TAFA4: variants seen among roughly 807,000 people sequenced by gnomAD.
TAFA4 encodes the protein chemokine-like protein TAFA-4.
A neutral mutation model predicts 21.1 loss-of-function variants in TAFA4; 20 were observed. The ratio of observed to expected loss-of-function variants is 0.95; its 90% CI spans 0.67 to 1.38. The LOEUF (loss-of-function observed/expected upper bound fraction) is 1.38. TAFA4 is among the 40% of genes most tolerant of loss of function. The pLI, the probability that TAFA4 is intolerant of heterozygous loss-of-function variation, is 0.00. For missense variants in TAFA4, 211 were observed against 180.9 expected, an observed-to-expected ratio of 1.17 and a Z score of -0.95; for synonymous variants, 71 against 67.4, an observed-to-expected ratio of 1.05 and a Z score of -0.26.
intron 3 of TAFA4, among the ~76,000 whole-genome samples, chr3:68,810,610 C>T (rs1285643779): frequency 2.6e-5 from 4 of 152,158 alleles, no homozygotes; most frequent in African/African-American, 9.7e-5. Context: ...TGCAAGGTGG[C>T]AGTGAGGCTG....
At chr3:68,860,430 G>A (rs1448271202) in intron 3 of TAFA4, among the ~76,000 whole-genome samples, 1 of 152,094 alleles carries the variant, frequency 6.6e-6, no homozygotes, top group African/African-American at 2.4e-5. Flanking sequence ...CACCCACCAA[G>A]CTACTGGGTA....
intron 3 of TAFA4, among the ~76,000 whole-genome samples, chr3:68,819,685 C>T (rs1559532206): frequency 6.6e-6 from 1 of 152,162 alleles, no homozygotes; most frequent in Non-Finnish European, 1.5e-5. Context: ...GCTGACAAGT[C>T]ATTCTCACCA....
chr3:68,748,419 A>G (rs1702499519), intron 4 of TAFA4, among the ~76,000 whole-genome samples: 1 of 152,104 alleles, frequency 6.6e-6, no homozygotes, highest in Admixed American at 6.6e-5. Context: ...CCACACAGTA[A>G]CTCTCCTTCT....
At chr3:68,901,783 A>G (rs1458753832) in intron 1 of TAFA4, among the ~76,000 whole-genome samples, 3 of 152,154 alleles carry the variant, frequency 2.0e-5, no homozygotes, top group African/African-American at 7.2e-5. Flanking sequence ...CTGATACCAA[A>G]CACAGTGGAA....
intron 1 of TAFA4, among the ~76,000 whole-genome samples, 173 bp from the exon 2 acceptor site, chr3:68,885,483 A>G (rs1237840603): frequency 6.6e-6 from 1 of 152,198 alleles, no homozygotes; most frequent in African/African-American, 2.4e-5. Context: ...ATTAGGGAGG[A>G]AAAGATATAG....
chr3:68,876,605 A>AG, intron 3 of TAFA4, among the ~76,000 whole-genome samples: 1 of 152,334 alleles, frequency 6.6e-6, no homozygotes, highest in Non-Finnish European at 1.5e-5. Context: ...CAGCCATCAT[A>AG]GGGGACAGAA....
chr3:68,744,305 A>T (rs72933933), intron 4 of TAFA4, among the ~76,000 whole-genome samples: 2,526 of 152,258 alleles, frequency 0.017, 77 homozygotes, highest in African/African-American at 0.058. Context: ...GAAGCCCTGG[A>T]CACCCAGATT....
chr3:68,817,724 G>A (rs1007323622), intron 3 of TAFA4, among the ~76,000 whole-genome samples: 1 of 152,102 alleles, frequency 6.6e-6, no homozygotes, highest in African/African-American at 2.4e-5. Context: ...GTGACCAGGG[G>A]CATTGTCAAT....
At chr3:68,740,050 G>A (rs1320440822) in intron 4 of TAFA4, among the ~76,000 whole-genome samples, 4 of 152,268 alleles carry the variant, frequency 2.6e-5, no homozygotes, top group East Asian at 1.9e-4. Flanking sequence ...CTCAGGCTTT[G>A]TGGTGGGCTT....
chr3:68,733,211 TC>T (rs763637816), intron 5 of TAFA4, 58 bp from the exon 6 acceptor site: 32 of 1,589,472 alleles, frequency 2.0e-5, no homozygotes, highest in Non-Finnish European at 2.3e-5. Context: ...AAATAACCAT[TC>T]CTGCCCCCGA....
intron 3 of TAFA4, among the ~76,000 whole-genome samples, chr3:68,812,822 G>A (rs1215528403): frequency 1.3e-5 from 2 of 152,160 alleles, no homozygotes; most frequent in Non-Finnish European, 1.5e-5. Flanking sequence ...GCACCAAGCA[G>A]ACCTAATAGA....
intron 3 of TAFA4, among the ~76,000 whole-genome samples, chr3:68,793,047 A>T (rs760228612): frequency 5.3e-5 from 8 of 152,162 alleles, no homozygotes. Flanking sequence ...CATTTTTCCT[A>T]TATTTCTGCT....
At chr3:68,855,481 G>A (rs1705049406) in intron 3 of TAFA4, among the ~76,000 whole-genome samples, 1 of 152,012 alleles carries the variant, frequency 6.6e-6, no homozygotes, top group African/African-American at 2.4e-5. Flanking sequence ...TGCCCATCAA[G>A]AGAATAAGGG....
chr3:68,895,936 G>A (rs923734958), intron 1 of TAFA4, among the ~76,000 whole-genome samples: 27 of 152,234 alleles, frequency 1.8e-4, no homozygotes, highest in African/African-American at 6.0e-4. Context: ...TGGAGTGGGT[G>A]TTCAGGGATG....
intron 1 of TAFA4, among the ~76,000 whole-genome samples, chr3:68,890,396 T>C (rs192964604): frequency 1.1e-4 from 17 of 152,264 alleles, no homozygotes; most frequent in African/African-American, 4.1e-4. Flanking sequence ...ACTAAAATGA[T>C]TGAGAGCTTA....
At chr3:68,795,890 T>C (rs2106819643) in intron 3 of TAFA4, among the ~76,000 whole-genome samples, 1 of 152,342 alleles carries the variant, frequency 6.6e-6, no homozygotes, top group East Asian at 1.9e-4. Context: ...ATGTGGGTGT[T>C]GTGATCTAAG....
chr3:68,851,103 C>A (rs1394428082), intron 3 of TAFA4, among the ~76,000 whole-genome samples: 1 of 152,078 alleles, frequency 6.6e-6, no homozygotes, highest in South Asian at 2.1e-4. Flanking sequence ...CAATGTCCAC[C>A]AATGATAGAC....
At chr3:68,898,466 G>C (rs933927300) in intron 1 of TAFA4, among the ~76,000 whole-genome samples, 4 of 152,168 alleles carry the variant, frequency 2.6e-5, no homozygotes, top group African/African-American at 9.7e-5. Context: ...GGCCAACATA[G>C]TGAAAACCCA....
chr3:68,768,109 A>G (rs928266255), intron 3 of TAFA4, among the ~76,000 whole-genome samples: 7 of 152,188 alleles, frequency 4.6e-5, no homozygotes, highest in Non-Finnish European at 8.8e-5. Context: ...GCAAAAATAG[A>G]TAAATAGGAT....
Sources: gnomAD v4.1 joint callset for allele counts (sites outside exome capture counted in the v4.1 genomes callset) on GRCh38, gnomAD v4.1.1 for gene constraint, MANE v1.5 for transcripts, NCBI Gene and HGNC (gene_info 2026-07-23, HGNC 2026-07-21) for gene names.